Variants in ATP5PF observed in about 807,000 individuals in gnomAD.
The protein encoded by ATP5PF is ATP synthase peripheral stalk subunit F6, also known as ATP synthase peripheral stalk subunit F6, mitochondrial.
In ATP5PF, 7 loss-of-function variants were observed where a neutral mutation model predicts 12.0. The ratio of observed to expected loss-of-function variants is 0.58; its 90% CI spans 0.33 to 1.10. The LOEUF (loss-of-function observed/expected upper bound fraction) is 1.10, where lower values mean the gene tolerates loss of function less well. Among genes scored for constraint, ATP5PF ranks in the 50% least tolerant of loss-of-function variants. ATP5PF has a pLI of 0.03. For missense variants in ATP5PF, 120 were observed against 127.7 expected (o/e 0.94, Z 0.29); for synonymous variants, 41 against 45.4 (o/e 0.90, Z 0.39).
At chr21:25,733,201 A>T (rs942156455) in intron 1 of ATP5PF, among the ~76,000 whole-genome samples, 2 of 151,996 alleles carry the variant, frequency 1.3e-5, no homozygotes, top group African/African-American at 4.8e-5. Context: ...TATCATTCCT[A>T]TGTTTAAACA....
In ATP5PF at chr21:25,725,239, G is replaced by A; in HGVS notation, c.276C>T (p.Thr92=). ...TATAAGACGTACCTTCAAATTTGAA[G>A]GTGGGAAATGTATTCATGTCTGCAT... ...FGNADMNTFP[T]FKFEDPKFEV... Residue 92 remains threonine (T), a synonymous_variant, in exon 3 of 4, where the codon ACC becomes ACT. Transcript: ENST00000284971. The A allele has an allele frequency of 6.2e-7, 1 of 1,607,438 alleles. No individual in the cohort carries two copies. The highest frequency in any genetic ancestry group is 8.5e-7 in the Non-Finnish European group (1 of 1,178,602).
At chr21:25,734,910 C>T (rs2034966088), upstream of ATP5PF, 10 of 1,566,282 alleles carry the variant, frequency 6.4e-6, no homozygotes, top group Non-Finnish European at 7.8e-6. Context: ...GCTCTACTTC[C>T]GGCCCTGGCT....
At chr21:25,735,115 T>A (rs2034984913), upstream of ATP5PF, 13 of 740,676 alleles carry the variant, frequency 1.8e-5, no homozygotes, top group South Asian at 1.5e-4. Flanking sequence ...CCATCTTTTC[T>A]TCGCCTAATT....
chr21:25,727,396 T>C (rs2034646102), intron 2 of ATP5PF, among the ~76,000 whole-genome samples: 2 of 152,236 alleles, frequency 1.3e-5, no homozygotes, highest in African/African-American at 2.4e-5. Flanking sequence ...CAGAAGATAC[T>C]TGTTCATTTC....
intron 2 of ATP5PF, 109 bp downstream of exon 2, chr21:25,729,522 A>G: frequency 1.0e-6 from 1 of 973,290 alleles, no homozygotes; most frequent in Non-Finnish European, 1.5e-6. Flanking sequence ...GTCAGAGATG[A>G]GCTCAGTGAA....
intron 1 of ATP5PF, among the ~76,000 whole-genome samples, chr21:25,731,472 C>T (rs1431721416): frequency 6.6e-6 from 1 of 151,928 alleles, no homozygotes; most frequent in Non-Finnish European, 1.5e-5. Context: ...ACAGCCTCAG[C>T]CTCCTGGACT....
Position 25,731,778 on chromosome 21 carries a change from T to C in ATP5PF, c.-7-1977A>G, listed in dbSNP as rs111431541. Among the ~76,000 whole-genome samples, 905 of 152,158 alleles carry C rather than the reference T, an allele frequency of 5.9e-3. 7 individuals are homozygous for C. Among genetic ancestry groups the C allele is most frequent in the African/African-American group, 9.0e-3 (375 of 41,510 alleles). ...ACTATGTTATTGGTCTAAAGTAATA[T>C]AGAAATTAGATATAAGTATTTAGAG... On this transcript the variant is annotated intron_variant, in intron 1 of 3. Coordinates refer to ENST00000284971, the MANE Select transcript of ATP5PF (RefSeq NM_001003703.2).
upstream of ATP5PF, chr21:25,735,019 G>A (rs749264162): frequency 3.6e-5 from 55 of 1,517,582 alleles, no homozygotes; most frequent in South Asian, 2.6e-4. Flanking sequence ...GACAGTCTGC[G>A]ACCGGACGGG....
rs533556852 is a variant in ATP5PF, at chr21:25,725,331, C to G, written c.184G>C (p.Asp62His). The G allele has an allele frequency of 1.2e-6, 2 of 1,605,544 alleles. No individual in the cohort carries two copies. Among genetic ancestry groups the G allele is most frequent in the African/African-American group, 2.7e-5 (2 of 74,614 alleles). Residue 62 changes from aspartate to histidine, a missense_variant, in exon 3 of 4, where the codon GAT becomes CAT. Physicochemically the swap from Asp to His is moderately conservative, Grantham distance 81 (BLOSUM62 -1). Transcript: ENST00000284971. ...SKRQTSGGPV[D>H]ASSEYQQELE... is the part of the protein sequence containing the mutation. ...TCTTGCTGATACTCTGAACTAGCAT[C>G]AACAGGTCCTCCAGATGTCCTGTTA...
intron 1 of ATP5PF, chr21:25,734,504 C>T (rs1050688575): frequency 2.6e-5 from 17 of 643,512 alleles, no homozygotes; most frequent in Non-Finnish European, 3.2e-5. Context: ...GTAGCCTAGA[C>T]GCTCCCGTGC....
At chr21:25,733,338 G>A (rs2034857927) in intron 1 of ATP5PF, among the ~76,000 whole-genome samples, 1 of 152,002 alleles carries the variant, frequency 6.6e-6, no homozygotes, top group Non-Finnish European at 1.5e-5. Flanking sequence ...GACCATCCTG[G>A]CTAACACGGT....
intron 1 of ATP5PF, chr21:25,734,225 GTC>G: frequency 1.4e-6 from 1 of 693,230 alleles, no homozygotes; most frequent in East Asian, 1.4e-4. Flanking sequence ...ATATGATAGC[GTC>G]TGACATGATC....
chr21:25,729,877 A>G (rs1326586830), intron 1 of ATP5PF, 76 bp from the exon 2 acceptor site: 1 of 1,439,700 alleles, frequency 6.9e-7, no homozygotes, highest in African/African-American at 1.4e-5. Context: ...TGAGAATCAA[A>G]TTCTACTAAT....
chr21:25,730,484 A>T (rs1245465193), intron 1 of ATP5PF, among the ~76,000 whole-genome samples: 1 of 152,184 alleles, frequency 6.6e-6, no homozygotes, highest in Non-Finnish European at 1.5e-5. Flanking sequence ...CTGTAATCCC[A>T]GCACTTTGGG....
chr21:25,732,000 T>C (rs910385397), intron 1 of ATP5PF, among the ~76,000 whole-genome samples: 1 of 152,232 alleles, frequency 6.6e-6, no homozygotes, highest in Non-Finnish European at 1.5e-5. Flanking sequence ...ATTTTCACTG[T>C]ATTCAAAAGT....
chr21:25,733,067 G>A (rs150457681), intron 1 of ATP5PF, among the ~76,000 whole-genome samples: 3 of 138,752 alleles, frequency 2.2e-5, no homozygotes, highest in African/African-American at 5.4e-5. Flanking sequence ...CAGAATGAAA[G>A]CAAACTGTTT....
intron 2 of ATP5PF, among the ~76,000 whole-genome samples, chr21:25,726,305 A>C (rs182448498): frequency 1.1e-4 from 17 of 152,344 alleles, no homozygotes; most frequent in African/African-American, 3.6e-4. Context: ...GAAAAAAATT[A>C]CATGTTTACA....
At chr21:25,728,755 G>C (rs1227704109) in intron 2 of ATP5PF, among the ~76,000 whole-genome samples, 2 of 152,194 alleles carry the variant, frequency 1.3e-5, no homozygotes, top group Admixed American at 1.3e-4. Context: ...CCTCTAGCTG[G>C]AAAGGAGTAT....
chr21:25,729,488 T>C, intron 2 of ATP5PF, 143 bp downstream of exon 2: 2 of 676,868 alleles, frequency 3.0e-6, no homozygotes, highest in Non-Finnish European at 4.6e-6. Context: ...TCTTCTTTTT[T>C]GAGGGCACCT....
Sources: gnomAD v4.1 joint callset for allele counts (sites outside exome capture counted in the v4.1 genomes callset) on GRCh38, gnomAD v4.1.1 for gene constraint, MANE v1.5 for transcripts, NCBI Gene and HGNC (gene_info 2026-07-23, HGNC 2026-07-21) for gene names.